The following LIPA variants were observed in gnomAD, a reference collection of about 807,000 sequenced individuals.
LIPA encodes lysosomal acid lipase/cholesteryl ester hydrolase.
LIPA carries 26 observed loss-of-function variants against 40.6 expected under a neutral mutation model. The ratio of observed to expected loss-of-function variants is 0.64; its 90% CI spans 0.47 to 0.89. The LOEUF is 0.89. Among genes scored for constraint, LIPA ranks in the 40% least tolerant of loss-of-function variants. The pLI is 0.00. For synonymous variants in LIPA, 188 were observed against 168.4 expected, an observed-to-expected ratio of 1.12 and a Z score of -0.90; for missense variants, 455 against 479.6, an observed-to-expected ratio of 0.95 and a Z score of 0.48.
At chr10:89,218,776 C>T (rs1475099803) in intron 8 of LIPA, among the ~76,000 whole-genome samples, 2 of 152,140 alleles carry the variant, frequency 1.3e-5, no homozygotes, top group Admixed American at 1.3e-4. Flanking sequence ...AGCCAAAACC[C>T]CCTCTATCAT....
At chr10:89,224,260 C>A (rs1358909012) in intron 6 of LIPA, among the ~76,000 whole-genome samples, 1 of 152,190 alleles carries the variant, frequency 6.6e-6, no homozygotes, top group Non-Finnish European at 1.5e-5. Flanking sequence ...GCCAGCAGGC[C>A]AAATCCAGCC....
intron 1 of LIPA, among the ~76,000 whole-genome samples, chr10:89,248,448 ATTTAT>A (rs1484085139): frequency 9.2e-4 from 63 of 68,250 alleles, no homozygotes; most frequent in African/African-American, 2.6e-3. Context: ...TTTTATATTT[ATTTAT>A]TTATTTATTT....
intron 2 of LIPA, chr10:89,393,364 TCCA>T: frequency 8.9e-7 from 1 of 1,120,864 alleles, no homozygotes; most frequent in South Asian, 1.4e-5. Flanking sequence ...CTGAAGATGA[TCCA>T]CATCTGCTTG....
intron 2 of LIPA, among the ~76,000 whole-genome samples, chr10:89,392,354 G>A (rs917286308): frequency 6.6e-6 from 1 of 152,120 alleles, no homozygotes; most frequent in Non-Finnish European, 1.5e-5. Context: ...CTTTAGGGAG[G>A]ACGTGAATCT....
chr10:89,328,512 T>TC (rs57402565), intron 1 of LIPA, among the ~76,000 whole-genome samples: 10,143 of 152,280 alleles, frequency 0.067, 773 homozygotes, highest in African/African-American at 0.19. Context: ...AGGCTTTTTT[T>TC]CTTGTAATTT....
At position 89,235,066 on chromosome 10, in the gene LIPA, G is replaced by A. The variant is rs150110345; in HGVS notation, c.230-6668C>T. ...GAGAGAAGTCTCTAGAACACACTGA[G>A]GCCTTCCGGCTGAAGGCAGAAAGCT... On this transcript the variant is annotated intron_variant, in intron 3 of 9. Coordinates refer to ENST00000336233, the MANE Select transcript of LIPA (RefSeq NM_000235.4). Among the ~76,000 whole-genome samples the A allele has an allele frequency of 3.6e-3, 548 of 152,372 alleles. 7 individuals are homozygous for A. The highest frequency in any genetic ancestry group is 0.013 in the African/African-American group (526 of 41,590).
chr10:89,383,791 G>T, intron 2 of LIPA: 2 of 1,614,196 alleles, frequency 1.2e-6, no homozygotes, highest in Non-Finnish European at 1.7e-6. Flanking sequence ...TTATGAACGG[G>T]CCAAGACCTG....
intron 2 of LIPA, among the ~76,000 whole-genome samples, chr10:89,410,375 C>T (rs534984719): frequency 3.9e-5 from 6 of 152,210 alleles, no homozygotes; most frequent in Admixed American, 6.5e-5. Flanking sequence ...GGTTGGGGAA[C>T]CAATTGAGCA....
intron 2 of LIPA, among the ~76,000 whole-genome samples, chr10:89,410,906 CAGAA>C (rs1455681024): frequency 6.6e-6 from 1 of 152,014 alleles, no homozygotes; most frequent in Non-Finnish European, 1.5e-5. Context: ...AAGAAAGAGA[CAGAA>C]AGTCAGAGAG....
intron 1 of LIPA, among the ~76,000 whole-genome samples, chr10:89,325,758 T>C (rs1843594647): frequency 4.6e-5 from 7 of 152,198 alleles, no homozygotes; most frequent in Admixed American, 4.6e-4. Flanking sequence ...TATCATGTAC[T>C]ATGCTTATGA....
chr10:89,302,835 G>A (rs982378042), intron 1 of LIPA, among the ~76,000 whole-genome samples: 2 of 152,104 alleles, frequency 1.3e-5, no homozygotes, highest in Non-Finnish European at 2.9e-5. Flanking sequence ...CCAGTTTGAA[G>A]GTGGGGTGGC....
At chr10:89,324,687 C>T (rs1843589922) in intron 1 of LIPA, among the ~76,000 whole-genome samples, 1 of 152,088 alleles carries the variant, frequency 6.6e-6, no homozygotes. Flanking sequence ...AAGCAAACAG[C>T]TCCATTAAAA....
chr10:89,276,292 G>T (rs554817372), intron 1 of LIPA, among the ~76,000 whole-genome samples: 6 of 152,270 alleles, frequency 3.9e-5, no homozygotes, highest in African/African-American at 1.4e-4. Context: ...TTGAAGCAAA[G>T]ATCTTCTACT....
rs539971278 is a variant in LIPA at position 89,231,104 on chromosome 10, A to C, written c.230-2706T>G. 5.0e-4 allele frequency among the ~76,000 whole-genome samples: 76 copies of C among 152,342 alleles called. 1 individual carries two copies. The highest frequency in any genetic ancestry group is 1.7e-3 in the African/African-American group (71 of 41,574). ...CAGCATAGAAAAGCTTATACCTTGC[A>C]AAGGAAAAAAAAGCAAAATACAAAA... On this transcript the variant is annotated intron_variant, in intron 3 of 9. Coordinates refer to ENST00000336233, the MANE Select transcript of LIPA (RefSeq NM_000235.4).
chr10:89,257,322 T>G (rs187898883), intron 1 of LIPA, among the ~76,000 whole-genome samples: 39 of 152,320 alleles, frequency 2.6e-4, no homozygotes, highest in Non-Finnish European at 5.0e-4. Context: ...CTTTCACAAC[T>G]ATAAAAAGAA....
intron 1 of LIPA, among the ~76,000 whole-genome samples, chr10:89,311,693 T>C (rs1427192442): frequency 1.3e-5 from 2 of 152,206 alleles, no homozygotes; most frequent in Admixed American, 6.5e-5. Flanking sequence ...AATAGAAACA[T>C]TTTAAATAAT....
chr10:89,303,512 G>A (rs1312604093), intron 1 of LIPA, among the ~76,000 whole-genome samples: 1 of 152,196 alleles, frequency 6.6e-6, no homozygotes, highest in East Asian at 1.9e-4. Context: ...GTCCTCACAA[G>A]CCAGAGCCCA....
chr10:89,332,351 T>G (rs1051717012), intron 1 of LIPA: 1 of 671,588 alleles, frequency 1.5e-6, no homozygotes, highest in African/African-American at 1.8e-5. Context: ...TTACAGTGCC[T>G]TTTTACAACT....
chr10:89,321,010 G>T (rs1843568829), intron 1 of LIPA, among the ~76,000 whole-genome samples: 3 of 150,342 alleles, frequency 2.0e-5, no homozygotes, highest in African/African-American at 2.5e-5. Context: ...AAACTGGCTA[G>T]CCATATGTAG....
Sources: allele counts gnomAD v4.1 joint callset (sites outside exome capture counted in the v4.1 genomes callset), GRCh38; gene constraint gnomAD v4.1.1; transcripts MANE v1.5; gene names NCBI Gene and HGNC (gene_info 2026-07-23, HGNC 2026-07-21).